The following GNAS variants were observed in gnomAD, a reference collection of about 807,000 sequenced individuals.
GNAS encodes the protein GNAS complex locus, also known as protein ALEX.
A neutral mutation model predicts 54.5 loss-of-function variants in GNAS; 8 were observed. The ratio of observed to expected loss-of-function variants is 0.15; its 90% CI spans 0.09 to 0.26. The LOEUF (loss-of-function observed/expected upper bound fraction) is 0.26. Ranked by LOEUF, GNAS falls within the 10% of genes least tolerant of loss-of-function variation. GNAS has a pLI of 1.00. For missense variants in GNAS, 170 were observed against 529.8 expected (o/e 0.32, Z 6.67); for synonymous variants, 204 against 191.4 (o/e 1.07, Z -0.54).
chr20:58,845,333 T>C (rs934291770), intron 1 of GNAS, among the ~76,000 whole-genome samples: 1 of 152,190 alleles, frequency 6.6e-6, no homozygotes, highest in Non-Finnish European at 1.5e-5. Flanking sequence ...TTTTTCATGA[T>C]CACTCCCCTC....
intron 1 of GNAS, among the ~76,000 whole-genome samples, chr20:58,894,070 G>C (rs545929427): frequency 1.1e-4 from 16 of 152,296 alleles, no homozygotes; most frequent in African/African-American, 3.6e-4. Flanking sequence ...CCCCACAAAA[G>C]AGGAAACCTA....
upstream of GNAS, chr20:58,840,757 T>C: frequency 6.2e-7 from 1 of 1,606,676 alleles, no homozygotes; most frequent in Non-Finnish European, 8.5e-7. The surrounding 1 kb of genome is among the most constrained non-coding windows in gnomAD (Gnocchi z 6.0). Flanking sequence ...AGCAGCGGCG[T>C]CGCTGCAAGC....
chr20:58,880,630 C>T (rs2088166893), intron 1 of GNAS, among the ~76,000 whole-genome samples: 1 of 152,208 alleles, frequency 6.6e-6, no homozygotes, highest in South Asian at 2.1e-4. Flanking sequence ...GGTTCAATTA[C>T]TATCAATTAC....
At chr20:58,901,951 T>C (rs904417905) in intron 3 of GNAS, among the ~76,000 whole-genome samples, 10 of 151,036 alleles carry the variant, frequency 6.6e-5, no homozygotes, top group Admixed American at 5.3e-4. Context: ...CGTGTTCTAG[T>C]CTGGAGAGAT....
In GNAS at chr20:58,898,936, A is replaced by G. The variant is rs763548893; in HGVS notation, c.213-5A>G. The G allele has an allele frequency of 3.5e-5, 57 of 1,612,742 alleles. 1 individual carries two copies. The South Asian group carries it at 5.3e-4, about 15-fold the overall frequency. ...TTAGGTGAGCTTTCAATCTCTCTTT[A>G]AAAGGGGCGGCGAAGAGGACCCGCA... On this transcript the variant is annotated splice_polypyrimidine_tract_variant and splice_region_variant and intron_variant, in intron 2 of 12. Coordinates refer to ENST00000371085, the MANE Select transcript of GNAS (RefSeq NM_000516.7).
intron 2 of GNAS, among the ~76,000 whole-genome samples, chr20:58,896,207 A>C (rs1314811837): frequency 1.4e-5 from 2 of 147,130 alleles, no homozygotes; most frequent in East Asian, 4.1e-4. Flanking sequence ...TGGAAGTGGC[A>C]GCCCGTGTTT....
intron 1 of GNAS, among the ~76,000 whole-genome samples, chr20:58,874,691 C>T (rs2087688330): frequency 6.6e-6 from 1 of 151,828 alleles, no homozygotes. Context: ...TGCCTTCTAT[C>T]TTTGCTCCTG....
chr20:58,910,953 G>C lies in GNAS; in HGVS notation c.*124G>C, dbSNP rs761164468. ...AACAAAGCAACCTTTCCCTTCCCCC[G>C]AGTGATTTTGCGAAACCCCCTTTTC... On this transcript the variant is annotated 3_prime_UTR_variant, in exon 13 of 13. Coordinates refer to ENST00000371085, the MANE Select transcript of GNAS (RefSeq NM_000516.7). The surrounding 1 kb of genome is among the most constrained non-coding windows in gnomAD (Gnocchi z 5.8). 1 of 994,998 alleles carries C rather than the reference G, an allele frequency of 1.0e-6. No individual in the cohort carries two copies. Among genetic ancestry groups the C allele is most frequent in the South Asian group, 1.4e-5 (1 of 73,612 alleles). The allele number at this position is 994,998 out of a possible 1,614,324, so 61.6% of individuals were successfully genotyped here.
intron 1 of GNAS, among the ~76,000 whole-genome samples, chr20:58,866,013 T>C (rs2145666606): frequency 1.3e-5 from 2 of 152,280 alleles, no homozygotes; most frequent in South Asian, 4.1e-4. Flanking sequence ...CTCTGCATTG[T>C]AGAGAAGGAT....
Position 58,853,828 on chromosome 20 carries a change from G to A in GNAS, c.43+12942G>A, listed in dbSNP as rs375486178. 5.6e-6 allele frequency: 9 copies of A among 1,600,396 alleles called. No homozygotes were observed. The highest frequency in any genetic ancestry group is 4.0e-5 in the African/African-American group (3 of 74,638). On this transcript the variant is annotated intron_variant, in intron 1 of 12. Transcript: ENST00000306090. This position sits in a 1 kb window ranked among gnomAD's most constrained non-coding sequence, Gnocchi z 4.4. ...CAGGTCCCAGACCTTGCTCCAGGAG[G>A]CCCAGGTGCTGCAGGGGTCCCCGGA...
At chr20:58,840,208 GCT>G, upstream of GNAS, 1 of 1,611,058 alleles carries the variant, frequency 6.2e-7, no homozygotes, top group Non-Finnish European at 8.5e-7. The surrounding 1 kb of genome is among the most constrained non-coding windows in gnomAD (Gnocchi z 6.0). Context: ...CGCTCCTCTG[GCT>G]CTCCTGCTCC....
chr20:58,897,463 G>T (rs1461532955), intron 2 of GNAS: 1 of 152,186 alleles, frequency 6.6e-6, no homozygotes, highest in East Asian at 1.9e-4. Context: ...GACATGGCTA[G>T]CATTTTTCAA....
upstream of GNAS, chr20:58,889,141 G>C (rs1159233533): frequency 8.3e-7 from 1 of 1,200,936 alleles, no homozygotes; most frequent in Non-Finnish European, 1.1e-6. Context: ...GGGCGTCATC[G>C]GGGCCGGTTA....
intron 1 of GNAS, among the ~76,000 whole-genome samples, chr20:58,885,992 A>G (rs915385551): frequency 6.6e-6 from 1 of 152,194 alleles, no homozygotes; most frequent in Non-Finnish European, 1.5e-5. Flanking sequence ...GACCCCAACT[A>G]ATGAAAGGCC....
rs532837856 is a variant in GNAS at position 58,873,052 on chromosome 20, A to AC, written c.44-22559dup. ...CCTCATCCCATCAGGAGGAGTTCAG[A>AC]CTCTCCCCAAGCACCAAGAGTTAGA... On this transcript the variant is annotated intron_variant, in intron 1 of 12. Coordinates refer to the GNAS transcript ENST00000306090. This position sits in a 1 kb window ranked among gnomAD's most constrained non-coding sequence, Gnocchi z 4.3. 5.7e-4 allele frequency among the ~76,000 whole-genome samples: 87 copies of AC among 152,034 alleles called. No homozygotes were observed. Among genetic ancestry groups the AC allele is most frequent in the Non-Finnish European group, 1.0e-3 (68 of 68,020 alleles).
intron 1 of GNAS, among the ~76,000 whole-genome samples, chr20:58,878,812 T>C (rs2088009996): frequency 6.6e-6 from 1 of 151,522 alleles, no homozygotes; most frequent in Admixed American, 6.6e-5. Context: ...AGGAGGGAGA[T>C]GCAGGAGCAG....
chr20:58,900,112 CGAT>C (rs1385517087), intron 3 of GNAS: 8 of 566,146 alleles, frequency 1.4e-5, no homozygotes, highest in African/African-American at 1.3e-4. Flanking sequence ...TGACCTTAAA[CGAT>C]GATTGAAAAA....
At chr20:58,871,894 T>C (rs943600975) in intron 1 of GNAS, among the ~76,000 whole-genome samples, 6 of 152,128 alleles carry the variant, frequency 3.9e-5, no homozygotes, top group African/African-American at 1.4e-4. Flanking sequence ...TGATTATCCT[T>C]CTACCAGGCA....
chr20:58,900,516 G>A (rs2090509141), intron 3 of GNAS: 1 of 180,354 alleles, frequency 5.5e-6, no homozygotes, highest in South Asian at 2.0e-4. Context: ...CCACCACTTA[G>A]TTAGCTGAAG....
Sources: gnomAD v4.1 joint callset for allele counts (sites outside exome capture counted in the v4.1 genomes callset) on GRCh38, gnomAD v4.1.1 for gene constraint, Gnocchi (gnomAD v3.1) non-coding constraint, MANE v1.5 for transcripts, NCBI Gene and HGNC (gene_info 2026-07-23, HGNC 2026-07-21) for gene names.